Variants in WNT9B observed in about 807,000 individuals in gnomAD.
WNT9B encodes protein Wnt-9b.
In WNT9B, 12 loss-of-function variants were observed where a neutral mutation model predicts 30.2. The observed-to-expected ratio is 0.40, with a 90% CI of 0.26 to 0.64. WNT9B has a LOEUF of 0.64. Ranked by LOEUF, WNT9B falls within the 30% of genes least tolerant of loss-of-function variation. The pLI is 0.42. For synonymous variants in WNT9B, 218 were observed against 216.9 expected, an observed-to-expected ratio of 1.01 and a Z score of -0.05; for missense variants, 442 against 485.2, an observed-to-expected ratio of 0.91 and a Z score of 0.84.
At chr17:46,881,907 A>G (rs377670459), downstream of WNT9B, among the ~76,000 whole-genome samples, 22 of 152,304 alleles carry the variant, frequency 1.4e-4, 1 homozygote, top group East Asian at 3.9e-3. Flanking sequence ...CAAGGCCATC[A>G]CCACATCTAA....
chr17:46,871,004 G>A (rs1310639241), intron 1 of WNT9B, among the ~76,000 whole-genome samples: 6 of 141,858 alleles, frequency 4.2e-5, no homozygotes, highest in South Asian at 2.3e-4. Flanking sequence ...TCCACCTCCC[G>A]AGCTCAAGCT....
At chr17:46,837,024 C>G (rs559839552) in intron 1 of WNT9B, among the ~76,000 whole-genome samples, 2 of 152,058 alleles carry the variant, frequency 1.3e-5, no homozygotes, top group East Asian at 1.9e-4. Flanking sequence ...CTCACTGCAA[C>G]CTCCACCTCC....
At chr17:46,839,506 ACAGG>A (rs1402113821) in intron 1 of WNT9B, among the ~76,000 whole-genome samples, 1 of 152,230 alleles carries the variant, frequency 6.6e-6, no homozygotes, top group African/African-American at 2.4e-5. Context: ...ACTGCCATGC[ACAGG>A]CTGTAAATTC....
chr17:46,865,476 G>T (rs1233478827), intron 1 of WNT9B, among the ~76,000 whole-genome samples: 1 of 152,154 alleles, frequency 6.6e-6, no homozygotes, highest in Admixed American at 6.5e-5. Flanking sequence ...CAGTCCTCAG[G>T]GTGGGTTCAT....
At chr17:46,839,956 CT>C (rs1430671283) in intron 1 of WNT9B, among the ~76,000 whole-genome samples, 1 of 147,182 alleles carries the variant, frequency 6.8e-6, no homozygotes, top group Non-Finnish European at 1.5e-5. Flanking sequence ...TTCTTTCTTT[CT>C]TTCTTTCTTT....
intron 1 of WNT9B, among the ~76,000 whole-genome samples, chr17:46,855,866 T>A (rs2084929567): frequency 6.6e-6 from 1 of 152,034 alleles, no homozygotes; most frequent in Non-Finnish European, 1.5e-5. Flanking sequence ...GCCTGGCTAA[T>A]TTTTGTATTT....
chr17:46,870,982 C>T (rs995703088), intron 1 of WNT9B, among the ~76,000 whole-genome samples: 1 of 145,370 alleles, frequency 6.9e-6, no homozygotes, highest in African/African-American at 2.6e-5. Flanking sequence ...GCGATCTCAG[C>T]TCACTGCAGC....
At chr17:46,869,654 G>T (rs887073991) in intron 1 of WNT9B, among the ~76,000 whole-genome samples, 1 of 152,122 alleles carries the variant, frequency 6.6e-6, no homozygotes, top group Non-Finnish European at 1.5e-5. Context: ...CATTTAGTTA[G>T]ACAAACCAAC....
chr17:46,882,326 T>C (rs2085434113), downstream of WNT9B, among the ~76,000 whole-genome samples: 1 of 152,238 alleles, frequency 6.6e-6, no homozygotes, highest in Non-Finnish European at 1.5e-5. Context: ...CCAGGCTGCA[T>C]GTCTCGTGGA....
chr17:46,849,154 G>A (rs926607948), upstream of WNT9B, among the ~76,000 whole-genome samples: 2 of 152,214 alleles, frequency 1.3e-5, no homozygotes, highest in South Asian at 2.1e-4. Context: ...GTGGGGCCAC[G>A]CCATTGGCTG....
chr17:46,838,396 G>A (rs1427922141), intron 1 of WNT9B, among the ~76,000 whole-genome samples: 1 of 151,856 alleles, frequency 6.6e-6, no homozygotes, highest in Non-Finnish European at 1.5e-5. Context: ...GAAGGCCAAG[G>A]CAGGAGGATC....
Position 46,876,622 on chromosome 17 carries a change from G to C in WNT9B, c.978G>C (p.Leu326=). The C allele has an allele frequency of 6.2e-7, 1 of 1,611,140 alleles. No homozygotes were observed. The highest frequency in any genetic ancestry group is 1.1e-5 in the South Asian group (1 of 90,968). Residue 326 remains leucine (L), a synonymous_variant, in exon 4 of 4, where the codon CTG becomes CTC. Coordinates refer to ENST00000290015, the MANE Select transcript of WNT9B (RefSeq NM_003396.3). ...GGGGCTATGACACCCAGAGCCGCCT[G>C]GTGGCCTTCTCCTGCCACTGCCAGG... ...CGRGYDTQSR[L]VAFSCHCQVQ... is the part of the protein sequence containing the mutation.
intron 1 of WNT9B, among the ~76,000 whole-genome samples, chr17:46,870,205 A>C (rs1359335250): frequency 6.6e-6 from 1 of 152,138 alleles, no homozygotes; most frequent in African/African-American, 2.4e-5. Flanking sequence ...TCTGAAACAC[A>C]GGAATTGTGT....
At chr17:46,876,081 T>C (rs1426234976) in intron 3 of WNT9B, among the ~76,000 whole-genome samples, 164 bp from the exon 4 acceptor site, 1 of 152,220 alleles carries the variant, frequency 6.6e-6, no homozygotes, top group Non-Finnish European at 1.5e-5. Context: ...GCGTAAGTTG[T>C]CTATTCCACA....
intron 1 of WNT9B, among the ~76,000 whole-genome samples, chr17:46,854,261 T>A (rs75121067): frequency 1.5e-3 from 223 of 152,344 alleles, no homozygotes; most frequent in African/African-American, 5.2e-3. Flanking sequence ...ATTCGCTGTC[T>A]GGGAGGAATC....
At chr17:46,848,198 T>C (rs892235717), upstream of WNT9B, among the ~76,000 whole-genome samples, 2 of 152,180 alleles carry the variant, frequency 1.3e-5, no homozygotes, top group Admixed American at 1.3e-4. Context: ...GGGGTCTGTG[T>C]GTCACCAAAT....
chr17:46,859,727 G>A (rs913488019), intron 1 of WNT9B, among the ~76,000 whole-genome samples: 1 of 152,122 alleles, frequency 6.6e-6, no homozygotes, highest in African/African-American at 2.4e-5. Context: ...ATATCCACAT[G>A]AAAGCCTCCT....
chr17:46,869,655 A>T (rs1251118083), intron 1 of WNT9B, among the ~76,000 whole-genome samples: 1 of 152,094 alleles, frequency 6.6e-6, no homozygotes, highest in Admixed American at 6.5e-5. Flanking sequence ...ATTTAGTTAG[A>T]CAAACCAACT....
At chr17:46,835,586 C>G (rs2084619001) in intron 1 of WNT9B, among the ~76,000 whole-genome samples, 1 of 152,218 alleles carries the variant, frequency 6.6e-6, no homozygotes, top group Admixed American at 6.5e-5. Context: ...AGGAAGCCTC[C>G]CTGACTTACC....
Sources: allele counts gnomAD v4.1 joint callset (sites outside exome capture counted in the v4.1 genomes callset), GRCh38; gene constraint gnomAD v4.1.1; transcripts MANE v1.5; gene names NCBI Gene and HGNC (gene_info 2026-07-23, HGNC 2026-07-21).